The following PTPRZ1 variants were observed in gnomAD, a reference collection of about 807,000 sequenced individuals.
The protein encoded by PTPRZ1 is protein tyrosine phosphatase receptor type Z1.
Under a neutral mutation model 214.1 loss-of-function variants are expected in PTPRZ1, and 82 were observed. That is an observed-to-expected ratio of 0.38 (90% CI 0.32 to 0.46). The LOEUF (loss-of-function observed/expected upper bound fraction) is 0.46. Among genes scored for constraint, PTPRZ1 ranks in the 20% least tolerant of loss-of-function variants. The probability of loss-of-function intolerance (pLI) is 1.00; values close to 1 mark genes in which losing one functional copy is unlikely to be tolerated. For missense variants in PTPRZ1, 2,603 were observed against 2,748.7 expected (o/e 0.95, Z 1.19); for synonymous variants, 945 against 987.9 (o/e 0.96, Z 0.81).
At chr7:121,971,586 T>G (rs1797251513) in intron 3 of PTPRZ1, among the ~76,000 whole-genome samples, 1 of 152,186 alleles carries the variant, frequency 6.6e-6, no homozygotes, top group Non-Finnish European at 1.5e-5. Context: ...TGACTCAATT[T>G]CCTCATCTGT....
chr7:121,900,139 C>A (rs1228711673), intron 1 of PTPRZ1, among the ~76,000 whole-genome samples: 2 of 151,986 alleles, frequency 1.3e-5, no homozygotes, highest in Non-Finnish European at 2.9e-5. Flanking sequence ...GTGCAGAGGT[C>A]AAGTTTGGGA....
At chr7:121,902,986 G>C (rs976152471) in intron 1 of PTPRZ1, among the ~76,000 whole-genome samples, 1 of 152,014 alleles carries the variant, frequency 6.6e-6, no homozygotes. Flanking sequence ...AATAAACAGA[G>C]ATAACAGCTG....
intron 1 of PTPRZ1, among the ~76,000 whole-genome samples, chr7:121,896,357 G>A (rs1452275572): frequency 6.6e-6 from 1 of 152,118 alleles, no homozygotes; most frequent in Non-Finnish European, 1.5e-5. Flanking sequence ...AGCCTTGGAA[G>A]CTACCATTCT....
chr7:121,938,972 A>G (rs968165258), intron 2 of PTPRZ1, among the ~76,000 whole-genome samples: 1 of 152,234 alleles, frequency 6.6e-6, no homozygotes, highest in Non-Finnish European at 1.5e-5. Flanking sequence ...TGAGGGCAAC[A>G]GAAAAAATAA....
intron 1 of PTPRZ1, among the ~76,000 whole-genome samples, chr7:121,881,585 T>G (rs1019760477): frequency 2.6e-5 from 4 of 152,230 alleles, no homozygotes; most frequent in Non-Finnish European, 5.9e-5. Flanking sequence ...TCTTATGCTG[T>G]CCTAAAACAA....
chr7:122,045,962 A>C lies in PTPRZ1; in HGVS notation c.6084+1394A>C, dbSNP rs1584774651. ...GATATCTATTCGAGTTTGTCTGTAG[A>C]AAATTTCCTTGAAATAAGTTGAATA... On this transcript the variant is annotated intron_variant, in intron 23 of 29. Transcript: ENST00000393386. 2.0e-5 allele frequency among the ~76,000 whole-genome samples: 3 copies of C among 152,194 alleles called. No individual in the cohort carries two copies. The East Asian group carries it at 5.8e-4, about 29-fold the overall frequency.
chr7:121,936,522 C>T (rs1187212513), intron 2 of PTPRZ1, among the ~76,000 whole-genome samples: 6 of 152,196 alleles, frequency 3.9e-5, no homozygotes, highest in Non-Finnish European at 8.8e-5. Context: ...TGCTGCTGCA[C>T]ACTGTTGCAG....
At chr7:122,047,624 G>A (rs1177366871) in intron 23 of PTPRZ1, among the ~76,000 whole-genome samples, 1 of 150,758 alleles carries the variant, frequency 6.6e-6, no homozygotes, top group Non-Finnish European at 1.5e-5. Context: ...GTGTGTGTGT[G>A]TGGTGTGTTG....
intron 25 of PTPRZ1, among the ~76,000 whole-genome samples, chr7:122,053,190 G>A (rs1792240155): frequency 6.6e-6 from 1 of 152,122 alleles, no homozygotes; most frequent in South Asian, 2.1e-4. Flanking sequence ...TGCCCCCACT[G>A]AGTCCAGGGC....
rs182320535 is a variant in PTPRZ1 at position 122,039,440 on chromosome 7, A to C, written c.5503-14A>C. 1.2e-6 allele frequency: 2 copies of C among 1,607,110 alleles called. No individual in the cohort carries two copies. Among genetic ancestry groups the C allele is most frequent in the South Asian group, 2.3e-5 (2 of 88,842 alleles). ...TTTGAAATACAGAAGTAACATCTAC[A>C]TTTTCTTTTGCAGAGAAAATGTGAT... On this transcript the variant is annotated splice_polypyrimidine_tract_variant and intron_variant, in intron 19 of 29. Transcript: ENST00000393386.
intron 2 of PTPRZ1, among the ~76,000 whole-genome samples, chr7:121,961,665 A>G (rs577600066): frequency 6.6e-6 from 1 of 152,354 alleles, no homozygotes; most frequent in South Asian, 2.1e-4. Context: ...TACGTATGCA[A>G]ATATTGAAGA....
chr7:121,955,249 G>A (rs1796668538), intron 2 of PTPRZ1, among the ~76,000 whole-genome samples: 1 of 152,164 alleles, frequency 6.6e-6, no homozygotes, highest in African/African-American at 2.4e-5. Context: ...TCAGAGACTT[G>A]TGTTGTTTTC....
chr7:121,926,615 A>G (rs967159347), intron 1 of PTPRZ1, among the ~76,000 whole-genome samples: 1 of 152,312 alleles, frequency 6.6e-6, no homozygotes, highest in South Asian at 2.1e-4. Flanking sequence ...TATATAGTCA[A>G]AAATATTAGT....
intron 2 of PTPRZ1, among the ~76,000 whole-genome samples, chr7:121,938,271 A>G (rs77757020): frequency 0.026 from 3,915 of 152,324 alleles, 98 homozygotes; most frequent in African/African-American, 0.057. Flanking sequence ...TTGCGAAGAT[A>G]GGAAGAAATC....
chr7:121,909,237 C>A (rs1433308382), intron 1 of PTPRZ1, among the ~76,000 whole-genome samples: 1 of 152,048 alleles, frequency 6.6e-6, no homozygotes, highest in African/African-American at 2.4e-5. Context: ...TGCTCCAGTG[C>A]TCACCAAAAT....
At chr7:121,990,577 T>G (rs1797927268) in intron 8 of PTPRZ1, among the ~76,000 whole-genome samples, 1 of 145,064 alleles carries the variant, frequency 6.9e-6, no homozygotes, top group Non-Finnish European at 1.5e-5. Flanking sequence ...TTGAGCACAG[T>G]GTATCGATCT....
intron 2 of PTPRZ1, among the ~76,000 whole-genome samples, chr7:121,937,993 CATGT>C (rs1261281961): frequency 2.0e-5 from 3 of 152,048 alleles, no homozygotes; most frequent in African/African-American, 4.8e-5. Flanking sequence ...CTAAGAAAAT[CATGT>C]ATGTATCATA....
chr7:122,054,108 C>A, intron 26 of PTPRZ1, 70 bp downstream of exon 26: 1 of 1,531,510 alleles, frequency 6.5e-7, no homozygotes, highest in Non-Finnish European at 8.9e-7. Context: ...GCAAAAAGTC[C>A]AGCATACAAA....
At chr7:121,949,975 T>C (rs1410948084) in intron 2 of PTPRZ1, among the ~76,000 whole-genome samples, 1 of 152,230 alleles carries the variant, frequency 6.6e-6, no homozygotes, top group Non-Finnish European at 1.5e-5. Flanking sequence ...GTAATTGAAC[T>C]GTATTAGCCC....
Sources: gnomAD v4.1 joint callset for allele counts (sites outside exome capture counted in the v4.1 genomes callset) on GRCh38, gnomAD v4.1.1 for gene constraint, MANE v1.5 for transcripts, NCBI Gene and HGNC (gene_info 2026-07-23, HGNC 2026-07-21) for gene names.